Variants in ITGBL1 observed in about 807,000 individuals in gnomAD.
ITGBL1 encodes the protein integrin beta-like protein 1.
Under a neutral mutation model 68.5 loss-of-function variants are expected in ITGBL1, and 51 were observed. The ratio of observed to expected loss-of-function variants is 0.74; its 90% confidence interval spans 0.59 to 0.94. ITGBL1 has a LOEUF of 0.94. Ranked by LOEUF, ITGBL1 falls within the 40% of genes least tolerant of loss-of-function variation. ITGBL1 has a pLI of 0.00. For missense variants in ITGBL1, 649 were observed against 647.4 expected (o/e 1.00, Z -0.03); for synonymous variants, 209 against 227.3 (o/e 0.92, Z 0.72).
intron 7 of ITGBL1, among the ~76,000 whole-genome samples, chr13:101,619,033 G>A (rs185369467): frequency 2.0e-5 from 3 of 152,130 alleles, no homozygotes; most frequent in East Asian, 3.9e-4. Context: ...GTCCTTCTGA[G>A]CAGACCACAG....
chr13:101,564,550 A>G (rs964762347), intron 2 of ITGBL1, among the ~76,000 whole-genome samples: 18 of 150,576 alleles, frequency 1.2e-4, no homozygotes, highest in Non-Finnish European at 7.4e-5. Flanking sequence ...ATATGTATAT[A>G]TAACAATATA....
At chr13:101,652,064 T>G (rs575780338) in intron 7 of ITGBL1, among the ~76,000 whole-genome samples, 66 of 152,306 alleles carry the variant, frequency 4.3e-4, no homozygotes, top group African/African-American at 1.5e-3. Flanking sequence ...GCTGTTTTGG[T>G]TACCATGTGA....
chr13:101,643,859 T>A (rs897664179), intron 7 of ITGBL1, among the ~76,000 whole-genome samples: 3 of 152,174 alleles, frequency 2.0e-5, no homozygotes, highest in Non-Finnish European at 4.4e-5. Context: ...TCAGCAGTTC[T>A]GGTTTTGCAA....
In ITGBL1 at chr13:101,488,259, A is replaced by G. The variant is rs2048727442; in HGVS notation, c.316+34159A>G. The stretch of plus-strand genomic sequence containing the variant: ...TTTACATTAAAGGCACAGCCTTTTC[A>G]GAGCAATCTGTTCATCCTCTGTTAT... On this transcript the variant is annotated intron_variant, in intron 2 of 10. Transcript: ENST00000376180. Among the ~76,000 whole-genome samples, 3 of 152,248 alleles carry G rather than the reference A, an allele frequency of 2.0e-5. No individual in the cohort carries two copies. In the South Asian group the frequency reaches 6.2e-4, roughly 31 times the overall value.
At chr13:101,681,555 T>A (rs545716672) in intron 7 of ITGBL1, among the ~76,000 whole-genome samples, 1 of 152,286 alleles carries the variant, frequency 6.6e-6, no homozygotes, top group South Asian at 2.1e-4. Flanking sequence ...ACTGTGTCTG[T>A]CTTGTTCGTC....
chr13:101,656,204 T>C (rs2032918077), intron 7 of ITGBL1, among the ~76,000 whole-genome samples: 1 of 152,180 alleles, frequency 6.6e-6, no homozygotes, highest in Non-Finnish European at 1.5e-5. Flanking sequence ...TGAAGTTTTA[T>C]AGTGGCTGCC....
At chr13:101,659,104 T>G (rs2033013868) in intron 7 of ITGBL1, among the ~76,000 whole-genome samples, 1 of 138,522 alleles carries the variant, frequency 7.2e-6, no homozygotes, top group Non-Finnish European at 1.5e-5. Flanking sequence ...AGAGCTGGAG[T>G]GCAGTGGGGC....
intron 7 of ITGBL1, among the ~76,000 whole-genome samples, chr13:101,602,018 CTCTT>C (rs1170386252): frequency 1.3e-5 from 2 of 151,952 alleles, no homozygotes; most frequent in African/African-American, 4.8e-5. Context: ...TTCTCTTTCT[CTCTT>C]TATATATATC....
chr13:101,625,981 A>G (rs1594938881), intron 7 of ITGBL1, among the ~76,000 whole-genome samples: 1 of 152,160 alleles, frequency 6.6e-6, no homozygotes, highest in Non-Finnish European at 1.5e-5. Context: ...ACCCAGGGAG[A>G]AAGGAGAACT....
chr13:101,708,116 G>T (rs1566800809), intron 9 of ITGBL1, among the ~76,000 whole-genome samples: 1 of 151,634 alleles, frequency 6.6e-6, no homozygotes, highest in Non-Finnish European at 1.5e-5. Flanking sequence ...AATGCTAATA[G>T]ATTAAATTTT....
chr13:101,650,585 C>A (rs1417638217), intron 7 of ITGBL1, among the ~76,000 whole-genome samples: 1 of 150,976 alleles, frequency 6.6e-6, no homozygotes, highest in African/African-American at 2.4e-5. Context: ...CAAGTTCTGG[C>A]TCCCCATCTG....
chr13:101,599,312 G>A (rs1241584857), intron 7 of ITGBL1, among the ~76,000 whole-genome samples: 2 of 151,826 alleles, frequency 1.3e-5, no homozygotes, highest in Admixed American at 1.3e-4. Context: ...ATTTGTTTGA[G>A]TTCATTGTAG....
intron 7 of ITGBL1, among the ~76,000 whole-genome samples, chr13:101,601,068 T>C (rs2030343517): frequency 6.6e-6 from 1 of 152,194 alleles, no homozygotes; most frequent in East Asian, 1.9e-4. Context: ...CATCTAGTCG[T>C]GGACTGTGTT....
At chr13:101,647,898 T>C (rs144829024) in intron 7 of ITGBL1, among the ~76,000 whole-genome samples, 181 of 152,264 alleles carry the variant, frequency 1.2e-3, no homozygotes, top group African/African-American at 4.2e-3. Flanking sequence ...ACTAACAAAT[T>C]GATTAGAACT....
At chr13:101,674,560 A>G (rs895634224) in intron 7 of ITGBL1, among the ~76,000 whole-genome samples, 1 of 152,124 alleles carries the variant, frequency 6.6e-6, no homozygotes, top group Admixed American at 6.5e-5. Flanking sequence ...TTTCTTATGA[A>G]TGATTTTAAA....
chr13:101,631,227 C>T (rs11840251), intron 7 of ITGBL1, among the ~76,000 whole-genome samples: 18,457 of 152,018 alleles, frequency 0.12, 1,611 homozygotes, highest in African/African-American at 0.25. Flanking sequence ...AAAAATATGT[C>T]GTCTTATAGT....
chr13:101,705,809 T>C (rs904640247), intron 8 of ITGBL1, among the ~76,000 whole-genome samples: 4 of 152,104 alleles, frequency 2.6e-5, no homozygotes, highest in African/African-American at 9.7e-5. Flanking sequence ...ATGATGAGCG[T>C]ATCTGTCCCT....
chr13:101,588,297 T>TTGTGTATGTG, intron 6 of ITGBL1, among the ~76,000 whole-genome samples: 2 of 149,786 alleles, frequency 1.3e-5, no homozygotes, highest in African/African-American at 4.9e-5. Flanking sequence ...TATTCTTCCA[T>TTGTGTATGTG]TGTGTGTGTG....
intron 7 of ITGBL1, among the ~76,000 whole-genome samples, chr13:101,672,947 T>A (rs2033413276): frequency 6.6e-6 from 1 of 152,136 alleles, no homozygotes; most frequent in South Asian, 2.1e-4. Context: ...ACCACCCTTT[T>A]CTAAACCCGC....
Sources: gnomAD v4.1 joint callset for allele counts (sites outside exome capture counted in the v4.1 genomes callset) on GRCh38, gnomAD v4.1.1 for gene constraint, MANE v1.5 for transcripts, NCBI Gene and HGNC (gene_info 2026-07-23, HGNC 2026-07-21) for gene names.